TAS2R1: variants seen among roughly 807,000 people sequenced by gnomAD.
The protein encoded by TAS2R1 is taste 2 receptor member 1.
For synonymous variants in TAS2R1, 141 were observed against 134.2 expected, an observed-to-expected ratio of 1.05 and a Z score of -0.35; for missense variants, 370 against 353.4, an observed-to-expected ratio of 1.05 and a Z score of -0.38.
At chr5:9,858,404 T>C in the TAS2R1 span, among the ~76,000 whole-genome samples, 1 of 152,188 alleles carries the variant, frequency 6.6e-6, no homozygotes, top group African/African-American at 2.4e-5. Context: ...TCTCTCTCCA[T>C]GCCGTGCTGC....
intron 2 of TAS2R1, among the ~76,000 whole-genome samples, chr5:9,646,914 T>C (rs1387224244): frequency 6.6e-6 from 1 of 152,160 alleles, no homozygotes; most frequent in Non-Finnish European, 1.5e-5. Flanking sequence ...GAATACAATT[T>C]CTCATCTTTA....
intron 2 of TAS2R1, among the ~76,000 whole-genome samples, chr5:9,654,718 T>C (rs1265837734): frequency 6.6e-6 from 1 of 152,202 alleles, no homozygotes; most frequent in Non-Finnish European, 1.5e-5. Context: ...GTTCCCATTG[T>C]CTCAGAATTT....
upstream of TAS2R1, among the ~76,000 whole-genome samples, chr5:9,712,742 C>G (rs1330767058): frequency 2.0e-5 from 3 of 152,204 alleles, no homozygotes; most frequent in East Asian, 5.8e-4. Flanking sequence ...CGCTGTCTCT[C>G]TCTCTCCTTC....
chr5:9,723,016 G>A, the TAS2R1 span, among the ~76,000 whole-genome samples: 1 of 152,226 alleles, frequency 6.6e-6, no homozygotes, highest in Non-Finnish European at 1.5e-5. Context: ...TGGGCAACCT[G>A]CCTCTAAAGC....
chr5:9,814,354 G>A, the TAS2R1 span, among the ~76,000 whole-genome samples: 1 of 151,958 alleles, frequency 6.6e-6, no homozygotes, highest in African/African-American at 2.4e-5. Flanking sequence ...CTCACTTTAA[G>A]GAAAGTCCAT....
intron 1 of TAS2R1, among the ~76,000 whole-genome samples, chr5:9,706,705 C>T (rs1207674148): frequency 6.6e-6 from 1 of 152,092 alleles, no homozygotes; most frequent in East Asian, 1.9e-4. Context: ...AATAATGGAG[C>T]TCAGAGGATA....
the TAS2R1 span, among the ~76,000 whole-genome samples, chr5:9,837,960 GTC>G: frequency 6.6e-6 from 1 of 152,110 alleles, no homozygotes; most frequent in African/African-American, 2.4e-5. Flanking sequence ...CTCTTTCATG[GTC>G]TCTCTTTACT....
chr5:9,723,948 G>A, the TAS2R1 span, among the ~76,000 whole-genome samples: 1 of 152,190 alleles, frequency 6.6e-6, no homozygotes, highest in South Asian at 2.1e-4. Context: ...GTTCCTTTGG[G>A]ATGACCCTGT....
At chr5:9,657,071 A>G (rs906741705) in intron 2 of TAS2R1, among the ~76,000 whole-genome samples, 1 of 152,176 alleles carries the variant, frequency 6.6e-6, no homozygotes, top group African/African-American at 2.4e-5. Flanking sequence ...TTGTAATATG[A>G]TCTAATTTTA....
the TAS2R1 span, among the ~76,000 whole-genome samples, chr5:9,855,547 C>T: frequency 6.6e-6 from 1 of 152,156 alleles, no homozygotes; most frequent in Non-Finnish European, 1.5e-5. Context: ...AAAAGAACAG[C>T]GTATCAGTCA....
chr5:9,673,133 G>A (rs1740803549), intron 1 of TAS2R1, among the ~76,000 whole-genome samples: 1 of 152,088 alleles, frequency 6.6e-6, no homozygotes, highest in African/African-American at 2.4e-5. Context: ...AGACACTGCG[G>A]CCTACTTAAG....
chr5:9,694,597 T>C (rs1158619612), intron 1 of TAS2R1, among the ~76,000 whole-genome samples: 3 of 152,218 alleles, frequency 2.0e-5, no homozygotes, highest in Non-Finnish European at 4.4e-5. Flanking sequence ...ATTTTCTTTC[T>C]AATGAGTTTC....
In TAS2R1 at chr5:9,629,177, G is replaced by C. The variant is rs1307037597; in HGVS notation, c.856C>G (p.Gln286Glu). Residue 286 changes from glutamine (Q) to glutamate (E), a missense_variant, in exon 1 of 1, where the codon CAA (glutamine) becomes GAA (glutamate). Coordinates refer to ENST00000382492, the MANE Select transcript of TAS2R1 (RefSeq NM_019599.3). ...ILILGNPKLK[Q>E]NAKKFLLHSK... ...TGGAGGAGGAACTTTTTTGCATTTT[G>C]TTTCAATTTAGGATTTCCTAAAATT... 1.2e-5 allele frequency: 19 copies of C among 1,584,074 alleles called. No homozygotes were observed. The East Asian group carries it at 4.3e-4, about 35-fold the overall frequency.
At chr5:9,672,327 A>G (rs400973) in intron 1 of TAS2R1, among the ~76,000 whole-genome samples, 81,137 of 151,980 alleles carry the variant, frequency 0.53, 22,826 homozygotes, top group Non-Finnish European at 0.65. Flanking sequence ...CAAAACACAC[A>G]ATCAACAGAG....
intron 2 of TAS2R1, among the ~76,000 whole-genome samples, chr5:9,642,167 C>T (rs1342836788): frequency 6.6e-6 from 1 of 152,140 alleles, no homozygotes; most frequent in African/African-American, 2.4e-5. Flanking sequence ...AGCTTTTCAT[C>T]AGGTAGAAGG....
the TAS2R1 span, among the ~76,000 whole-genome samples, chr5:9,874,422 G>C: frequency 2.0e-5 from 3 of 152,158 alleles, no homozygotes; most frequent in African/African-American, 7.2e-5. Context: ...TTTGAAAAAT[G>C]TGTAGATCCT....
At chr5:9,723,983 G>A in the TAS2R1 span, among the ~76,000 whole-genome samples, 2 of 152,320 alleles carry the variant, frequency 1.3e-5, no homozygotes, top group South Asian at 4.1e-4. Context: ...GGAAGATGGA[G>A]CCATCTCAGT....
At chr5:9,898,117 T>G in the TAS2R1 span, among the ~76,000 whole-genome samples, 2 of 152,216 alleles carry the variant, frequency 1.3e-5, no homozygotes, top group East Asian at 3.8e-4. Context: ...GTTAATTAAG[T>G]GGGCTAATTT....
intron 1 of TAS2R1, among the ~76,000 whole-genome samples, chr5:9,703,917 G>T (rs1400565979): frequency 1.3e-5 from 2 of 152,186 alleles, no homozygotes; most frequent in African/African-American, 2.4e-5. Context: ...CTAAGTCCAA[G>T]ATTTTATTTA....
Sources: allele counts gnomAD v4.1 joint callset (sites outside exome capture counted in the v4.1 genomes callset), GRCh38; gene constraint gnomAD v4.1.1; transcripts MANE v1.5; gene names NCBI Gene and HGNC (gene_info 2026-07-23, HGNC 2026-07-21).